Variants in TBC1D2B observed in about 807,000 individuals in gnomAD.
TBC1D2B encodes TBC1 domain family, member 2B.
TBC1D2B carries 64 observed loss-of-function variants against 100.8 expected under a neutral mutation model. The ratio of observed to expected loss-of-function variants is 0.64; its 90% CI spans 0.52 to 0.78. The LOEUF (loss-of-function observed/expected upper bound fraction) is 0.78. Ranked by LOEUF, TBC1D2B falls within the 30% of genes least tolerant of loss-of-function variation. The pLI is 0.00. For synonymous variants in TBC1D2B, 480 were observed against 479.7 expected (o/e 1.00, Z -0.01); for missense variants, 1,052 against 1,218.4 (o/e 0.86, Z 2.03).
At chr15:78,077,250 G>A in intron 1 of TBC1D2B, 43 bp downstream of exon 1, 5 of 1,403,168 alleles carry the variant, frequency 3.6e-6, no homozygotes, top group Non-Finnish European at 4.6e-6. Context: ...GGCAGGGGAC[G>A]CCGGCGGAAG....
At chr15:78,016,976 G>C (rs1596311150) in intron 7 of TBC1D2B, 2 of 442,566 alleles carry the variant, frequency 4.5e-6, no homozygotes, top group East Asian at 9.0e-5. Flanking sequence ...ACCTCTGGAT[G>C]CCAACAAATG....
At chr15:78,014,222 G>A (rs559352325) in intron 8 of TBC1D2B, among the ~76,000 whole-genome samples, 36 of 152,278 alleles carry the variant, frequency 2.4e-4, no homozygotes, top group Non-Finnish European at 5.0e-4. Context: ...GACCCATGTT[G>A]GGCTACTGAC....
rs2071918272 is a variant in TBC1D2B at position 78,001,678 on chromosome 15, T to C, written c.2637A>G (p.Gln879=). The stretch of plus-strand genomic sequence containing the variant: ...GATACTTAAATATAGACATCGAATC[T>C]TGCAATTTCAAAATCTCCTCTTCCT... ...KYKEEEILKL[Q]DSMSIFKYLR... Residue 879 remains glutamine (Q), a synonymous_variant, in exon 12 of 13, where the codon CAA becomes CAG. Coordinates refer to ENST00000300584, the MANE Select transcript of TBC1D2B (RefSeq NM_144572.2). 6.2e-7 allele frequency: 1 copy of C among 1,608,462 alleles called. No individual in the cohort carries two copies.
At chr15:78,019,862 C>G (rs1359845721) in intron 6 of TBC1D2B, among the ~76,000 whole-genome samples, 2 of 147,298 alleles carry the variant, frequency 1.4e-5, no homozygotes, top group African/African-American at 2.5e-5. Context: ...GCACTCCAAA[C>G]TGGGTGAAAT....
At chr15:78,044,024 TA>T (rs34859851) in intron 3 of TBC1D2B, among the ~76,000 whole-genome samples, 2,824 of 136,770 alleles carry the variant, frequency 0.021, 46 homozygotes, top group Non-Finnish European at 0.03. Context: ...GACCTTATCT[TA>T]AAAAAAAAAA....
At chr15:78,076,666 C>T (rs1354636678) in intron 1 of TBC1D2B, among the ~76,000 whole-genome samples, 2 of 152,134 alleles carry the variant, frequency 1.3e-5, no homozygotes, top group African/African-American at 4.8e-5. Context: ...GTGGGAGGAT[C>T]TCTTGAGCCC....
chr15:78,054,291 T>C (rs1360845754), intron 1 of TBC1D2B, 104 bp from the exon 2 acceptor site: 7 of 1,217,270 alleles, frequency 5.8e-6, no homozygotes, highest in Non-Finnish European at 7.6e-6. Context: ...CATGTGAGAG[T>C]TAAGATGAAC....
chr15:78,037,288 T>C (rs2072966762), intron 3 of TBC1D2B, among the ~76,000 whole-genome samples: 1 of 152,178 alleles, frequency 6.6e-6, no homozygotes, highest in African/African-American at 2.4e-5. Flanking sequence ...CTGACTTCCT[T>C]GCCTCTGCAT....
At chr15:78,069,519 C>T (rs566024123) in intron 1 of TBC1D2B, among the ~76,000 whole-genome samples, 3 of 152,344 alleles carry the variant, frequency 2.0e-5, no homozygotes, top group Admixed American at 1.3e-4. Context: ...CATAAAAATA[C>T]TAGGCATGAC....
At position 77,997,874 on chromosome 15, in the gene TBC1D2B, G is replaced by C. The variant is rs1396615317; in HGVS notation, c.*286C>G. The C allele has an allele frequency of 6.8e-6, 2 of 295,388 alleles. No individual in the cohort carries two copies. The highest frequency in any genetic ancestry group is 1.3e-4 in the East Asian group (2 of 15,156). 18.3% of individuals were successfully genotyped at this position (295,388 alleles called of 1,614,324 possible). On this transcript the variant is annotated 3_prime_UTR_variant, in exon 13 of 13. Transcript: ENST00000300584. ...ACAGGCTGACGGAGGCTGGAAACAG[G>C]CTCTTGCAAATAGCCACTGGTAAGC...
At chr15:77,999,773 C>A (rs2071862444) in intron 12 of TBC1D2B, among the ~76,000 whole-genome samples, 1 of 152,180 alleles carries the variant, frequency 6.6e-6, no homozygotes, top group African/African-American at 2.4e-5. Context: ...GACAGAGGCC[C>A]CTCGGCCCAG....
intron 9 of TBC1D2B, among the ~76,000 whole-genome samples, chr15:78,011,468 ATC>A (rs2072222639): frequency 7.4e-6 from 1 of 135,812 alleles, no homozygotes; most frequent in Non-Finnish European, 1.6e-5. Context: ...CTTTATCCAT[ATC>A]TTTTTTTTTT....
intron 8 of TBC1D2B, among the ~76,000 whole-genome samples, chr15:78,013,729 TAAAA>T (rs113548464): frequency 6.6e-6 from 1 of 151,572 alleles, no homozygotes; most frequent in Non-Finnish European, 1.5e-5. Context: ...TTTAAAAGAT[TAAAA>T]AAAAACAAAG....
intron 3 of TBC1D2B, among the ~76,000 whole-genome samples, chr15:78,041,237 A>G (rs2073088861): frequency 6.6e-6 from 1 of 152,220 alleles, no homozygotes; most frequent in Non-Finnish European, 1.5e-5. Context: ...TTCCTTTTTT[A>G]TATTTCACGG....
At chr15:77,999,286 C>T (rs1017015894) in intron 12 of TBC1D2B, 8 of 455,336 alleles carry the variant, frequency 1.8e-5, no homozygotes, top group African/African-American at 1.0e-4. Flanking sequence ...CTGTCCCCAT[C>T]AGAGCAGGCC....
Position 78,033,929 on chromosome 15 carries a change from T to C in TBC1D2B, c.684-3759A>G, listed in dbSNP as rs78105170. On this transcript the variant is annotated intron_variant, in intron 3 of 12. Coordinates refer to ENST00000300584, the MANE Select transcript of TBC1D2B (RefSeq NM_144572.2). Reference sequence around the variant, plus strand: ...ACACGCTTATGTTCTCATCACGCTATCACAGTATATGGATGTATGGCCTTT... The same window carrying C: ...ACACGCTTATGTTCTCATCACGCTACCACAGTATATGGATGTATGGCCTTT... Among the ~76,000 whole-genome samples, 923 of 152,368 alleles carry C rather than the reference T, an allele frequency of 6.1e-3. 6 individuals carry two copies. The highest frequency in any genetic ancestry group is 0.014 in the Middle Eastern group (4 of 294).
At chr15:78,057,470 C>G (rs992091352) in intron 1 of TBC1D2B, among the ~76,000 whole-genome samples, 3 of 152,070 alleles carry the variant, frequency 2.0e-5, no homozygotes, top group Non-Finnish European at 4.4e-5. Context: ...GGTGAAACCC[C>G]GTCTCTACTA....
intron 11 of TBC1D2B, chr15:78,002,064 A>G: frequency 5.9e-6 from 1 of 170,506 alleles, no homozygotes. Context: ...ATAAGGAATC[A>G]TTTTAAAATA....
chr15:78,027,431 A>C (rs2072699614), intron 4 of TBC1D2B, among the ~76,000 whole-genome samples: 1 of 152,206 alleles, frequency 6.6e-6, no homozygotes, highest in Non-Finnish European at 1.5e-5. Context: ...GGAAAATACA[A>C]GGAAGGGTAG....
Sources: gnomAD v4.1 joint callset for allele counts (sites outside exome capture counted in the v4.1 genomes callset) on GRCh38, gnomAD v4.1.1 for gene constraint, MANE v1.5 for transcripts, NCBI Gene and HGNC (gene_info 2026-07-23, HGNC 2026-07-21) for gene names.